STARD9: variants seen among roughly 807,000 people sequenced by gnomAD.
STARD9 encodes the protein stAR-related lipid transfer protein 9.
STARD9 carries 346 observed loss-of-function variants against 399.8 expected under a neutral mutation model. That is an observed-to-expected ratio of 0.87 (90% confidence interval 0.79 to 0.95). STARD9 has a LOEUF of 0.95. Among genes scored for constraint, STARD9 ranks in the 40% least tolerant of loss-of-function variants. STARD9 has a pLI of 0.00. For missense variants in STARD9, 5,832 were observed against 5,667.5 expected (o/e 1.03, Z -0.93); for synonymous variants, 2,203 against 2,143.5 (o/e 1.03, Z -0.77).
At position 42,720,084 on chromosome 15, in the gene STARD9, T is replaced by C. The variant is rs1294160500; in HGVS notation, c.*510T>C. 1 of 152,854 alleles carries C rather than the reference T, an allele frequency of 6.5e-6. No individual in the cohort carries two copies. The highest frequency in any genetic ancestry group is 1.5e-5 in the Non-Finnish European group (1 of 68,502). 9.5% of individuals were successfully genotyped at this position (152,854 alleles called of 1,614,324 possible). A position where few individuals can be genotyped will look rare whatever the true frequency, so the allele number is the denominator to read the frequency against. On this transcript the variant is annotated 3_prime_UTR_variant, in exon 33 of 33. Transcript: ENST00000290607. ...ACAGAAAGAGGGTTTAAAAAACAGC[T>C]GCACAAACCAGAACACCGATTCAGA...
chr15:42,585,795 CAG>C (rs374585325), intron 3 of STARD9, among the ~76,000 whole-genome samples, 158 bp downstream of exon 3: 63 of 152,260 alleles, frequency 4.1e-4, no homozygotes, highest in African/African-American at 1.4e-3. Flanking sequence ...AAATAACTAA[CAG>C]ATTTTCAAAA....
In STARD9 at chr15:42,595,201, G is replaced by A. The variant is rs568661430; in HGVS notation, c.234+9564G>A. ...AGGGAAACATGAGGAACAAACTAAG[G>A]TGAGGAGGAATTTGAGAGCTCACAG... is the stretch of plus-strand genomic sequence containing the variant. On this transcript the variant is annotated intron_variant, in intron 3 of 32. Transcript: ENST00000290607. Among the ~76,000 whole-genome samples, 36 of 152,258 alleles carry A rather than the reference G, an allele frequency of 2.4e-4. 1 individual carries two copies. Among genetic ancestry groups the A allele is most frequent in the African/African-American group, 8.7e-4 (36 of 41,544 alleles).
chr15:42,687,406 G>A lies in STARD9; in HGVS notation c.5828G>A (p.Ser1943Asn). 1.3e-6 allele frequency: 2 copies of A among 1,536,930 alleles called. No homozygotes were observed. Among genetic ancestry groups the A allele is most frequent in the Non-Finnish European group, 1.7e-6 (2 of 1,146,914 alleles). The change falls in exon 23 of 33, where the codon AGT becomes AAT. Residue 1943 changes from serine to asparagine, a missense_variant. This residue lies in a region of STARD9 where 5,828 missense variants were observed against 5,651.1 expected (regional missense o/e 1.03). Transcript: ENST00000290607. ...VSLEKDMPGE[S>N]AVSLKSRSVD... Reference sequence around the variant, plus strand: ...CTTGAGAAAGACATGCCAGGGGAAAGTGCTGTTTCTTTGAAATCCAGATCA... The same window carrying A: ...CTTGAGAAAGACATGCCAGGGGAAAATGCTGTTTCTTTGAAATCCAGATCA...
At chr15:42,595,386 C>T (rs1195959092) in intron 3 of STARD9, among the ~76,000 whole-genome samples, 3 of 152,214 alleles carry the variant, frequency 2.0e-5, no homozygotes, top group Non-Finnish European at 4.4e-5. Context: ...ATGGTCCAAG[C>T]TCTCGCACAC....
At chr15:42,608,451 C>T (rs538838662) in intron 3 of STARD9, among the ~76,000 whole-genome samples, 1 of 152,130 alleles carries the variant, frequency 6.6e-6, no homozygotes, top group African/African-American at 2.4e-5. Context: ...AGGCTCAGCT[C>T]CCTTGCTTCT....
In STARD9 at chr15:42,682,095, G is replaced by T. The variant is rs1156765522; in HGVS notation, c.2066-9G>T. ...GCTGAAATTCTCTCTGGGTGTTTTT[G>T]GTTCCCAGACCAGCAGTGTCTGCTC... is the stretch of plus-strand genomic sequence containing the variant. On this transcript the variant is annotated splice_polypyrimidine_tract_variant and intron_variant, in intron 21 of 32. Transcript: ENST00000290607. 1.4e-5 allele frequency: 22 copies of T among 1,519,278 alleles called. No individual in the cohort carries two copies. The highest frequency in any genetic ancestry group is 1.8e-5 in the Non-Finnish European group (21 of 1,135,382). The allele number at this position is 1,519,278 out of a possible 1,614,324, so 94.1% of individuals were successfully genotyped here. A position where few individuals can be genotyped will look rare whatever the true frequency, so the allele number is the denominator to read the frequency against.
At position 42,675,907 on chromosome 15, in the gene STARD9, G is replaced by C; in HGVS notation, c.1806G>C (p.Glu602Asp). The C allele has an allele frequency of 6.5e-7, 1 of 1,537,226 alleles. No homozygotes were observed. The highest frequency in any genetic ancestry group is 8.7e-7 in the Non-Finnish European group (1 of 1,146,890). The change falls in exon 20 of 33, where the codon GAG becomes GAC. Residue 602 changes from glutamate (E) to aspartate (D), a missense_variant. By Grantham distance (45) the Glu-to-Asp change is conservative. Transcript: ENST00000290607. ...CTGCTGCTGGTCGTGGCTCGTTGGA[G>C]TGGCTGGATTTGGATGGAGATCTCG... ...GEAAAGRGSLEWLDLDGDLAA... is the reference protein window; with the variant it reads ...GEAAAGRGSLDWLDLDGDLAA...
chr15:42,634,933 G>T lies in STARD9; in HGVS notation c.312G>T (p.Gln104His), dbSNP rs189043638. Residue 104 changes from glutamine (Q) to histidine (H), a missense_variant, in exon 4 of 33, where the codon CAG becomes CAT. Coordinates refer to ENST00000290607, the MANE Select transcript of STARD9 (RefSeq NM_020759.3). Reference protein sequence around the residue: ...GYNICLFAYGQTGSGKTYTML... With the variant: ...GYNICLFAYGHTGSGKTYTML... The stretch of plus-strand genomic sequence containing the variant: ...ACATATGCCTTTTTGCTTATGGACA[G>T]ACAGGCTCTGGGAAGACATATACCA... 3.0e-5 allele frequency: 46 copies of T among 1,536,910 alleles called. No homozygotes were observed. The highest frequency in any genetic ancestry group is 4.0e-5 in the Non-Finnish European group (46 of 1,146,700).
intron 1 of STARD9, among the ~76,000 whole-genome samples, chr15:42,576,997 TG>T (rs767112517): frequency 1.5e-4 from 23 of 151,866 alleles, no homozygotes; most frequent in East Asian, 7.7e-4. Context: ...AGCTCAGGGC[TG>T]GGGGGGGTTT....
At chr15:42,708,253 A>C (rs2061133306) in intron 26 of STARD9, among the ~76,000 whole-genome samples, 1 of 152,272 alleles carries the variant, frequency 6.6e-6, no homozygotes, top group Admixed American at 6.5e-5. Flanking sequence ...AGTTATTTGA[A>C]AAACTTCTTC....
At chr15:42,584,485 T>TG (rs535334341) in intron 2 of STARD9, among the ~76,000 whole-genome samples, 1 of 152,238 alleles carries the variant, frequency 6.6e-6, no homozygotes, top group South Asian at 2.1e-4. Context: ...CACACCTCCC[T>TG]GGCTGCTGAC....
intron 3 of STARD9, among the ~76,000 whole-genome samples, chr15:42,594,007 T>C (rs2058455706): frequency 6.6e-6 from 1 of 152,156 alleles, no homozygotes; most frequent in Admixed American, 6.5e-5. Context: ...CTCCACAATA[T>C]ACTGAACATC....
In STARD9 at chr15:42,675,964, T is replaced by C. The variant is rs2060302878; in HGVS notation, c.1863T>C (p.Leu621=). The C allele has an allele frequency of 6.5e-7, 1 of 1,534,584 alleles. No homozygotes were observed. Among genetic ancestry groups the C allele is most frequent in the African/African-American group, 1.4e-5 (1 of 72,032 alleles). The change falls in exon 20 of 33, where the codon CTT becomes CTC. Residue 621 remains leucine (L), a synonymous_variant. Transcript: ENST00000290607. ...AASRLGLSPL[L]WKERRALEEQ... ...CCCGGCTGGGTCTCTCCCCTTTGCTTTGGAAGGAAAGGTAAGAAATAGCTG... is the reference window on the plus strand; with the variant it reads ...CCCGGCTGGGTCTCTCCCCTTTGCTCTGGAAGGAAAGGTAAGAAATAGCTG...
chr15:42,701,364 A>T (rs545444984), intron 26 of STARD9, among the ~76,000 whole-genome samples: 3 of 152,282 alleles, frequency 2.0e-5, no homozygotes, highest in African/African-American at 7.2e-5. Context: ...TATTCTTCCA[A>T]TCCATGAACA....
rs992197321 is a variant in STARD9 at position 42,689,629 on chromosome 15, A to G, written c.8051A>G (p.Gln2684Arg). The change falls in exon 23 of 33, where the codon CAG becomes CGG. Residue 2684 changes from glutamine to arginine, a missense_variant. Transcript: ENST00000290607. ...AAACGTCGTACTGGAGAACTGAGGC[A>G]GTTCGCGGGAGCAAGTGAACCATTT... Reference protein sequence around the residue: ...DRKRRTGELRQFAGASEPFIC... With the variant: ...DRKRRTGELRRFAGASEPFIC... The G allele has an allele frequency of 3.9e-6, 6 of 1,537,462 alleles. No individual in the cohort carries two copies. The African/African-American group carries it at 5.5e-5, about 14-fold the overall frequency.
chr15:42,689,410 G>A lies in STARD9; in HGVS notation c.7832G>A (p.Gly2611Asp), dbSNP rs2060637500. Residue 2611 changes from glycine to aspartate, a missense_variant, in exon 23 of 33, where the codon GGT (glycine) becomes GAT (aspartate). By Grantham distance (94) the Gly-to-Asp change is moderately conservative. Around this residue, in one of 2 missense-constraint regions of STARD9, gnomAD observed 5,828 missense variants for 5,651.1 expected, o/e 1.03. Transcript: ENST00000290607. ...TCATCAGACCAGACCAGGAATGAGG[G>A]TGAAGCACCGGGATTTCATGTGGCA... ...QSSSDQTRNEGEAPGFHVASL... is the reference protein window; with the variant it reads ...QSSSDQTRNEDEAPGFHVASL... 6.5e-7 allele frequency: 1 copy of A among 1,537,418 alleles called. No homozygotes were observed. The highest frequency in any genetic ancestry group is 8.7e-7 in the Non-Finnish European group (1 of 1,146,944).
Position 42,685,859 on chromosome 15 carries a change from AATTCAAAGGCTT to A in STARD9, c.4288_4299del (p.Arg1430_Gln1433del). 6.5e-7 allele frequency: 1 copy of A among 1,537,068 alleles called. No individual in the cohort carries two copies. The highest frequency in any genetic ancestry group is 2.0e-5 in the Admixed American group (1 of 51,004). ...ATACGTCTAGGCTGTCTCTCTGGGG[AATTCAAAGGCTT>A]ATTCAACCAGGAGCTGATGGCACCT... On this transcript the variant is annotated inframe_deletion, in exon 23 of 33. Coordinates refer to ENST00000290607, the MANE Select transcript of STARD9 (RefSeq NM_020759.3).
intron 30 of STARD9, 45 bp downstream of exon 30, chr15:42,718,224 G>A: frequency 6.6e-7 from 1 of 1,503,952 alleles, no homozygotes; most frequent in South Asian, 1.2e-5. Context: ...AGTTTCTGGT[G>A]TGCCCAGTGG....
rs546146720 is a variant in STARD9, at chr15:42,653,144, T to A, written c.702+552T>A. Reference sequence around the variant, plus strand: ...CTTCTGCTTATATTTATTTTTAACATTTTAAAACGCTTTCACATCGGTGTG... The same window carrying A: ...CTTCTGCTTATATTTATTTTTAACAATTTAAAACGCTTTCACATCGGTGTG... On this transcript the variant is annotated intron_variant, in intron 9 of 32. Transcript: ENST00000290607. 8.1e-4 allele frequency among the ~76,000 whole-genome samples: 123 copies of A among 152,342 alleles called. 3 individuals carry two copies. The South Asian group carries it at 0.013, about 16-fold the overall frequency.
Sources: allele counts gnomAD v4.1 joint callset (sites outside exome capture counted in the v4.1 genomes callset), GRCh38; gene constraint gnomAD v4.1.1; regional missense constraint gnomAD v4.1.1; transcripts MANE v1.5; gene names NCBI Gene and HGNC (gene_info 2026-07-23, HGNC 2026-07-21).